RTN1: variants seen among roughly 807,000 people sequenced by gnomAD.
RTN1 encodes reticulon-1.
In RTN1, 25 loss-of-function variants were observed where a neutral mutation model predicts 65.5. The ratio of observed to expected loss-of-function variants is 0.38; its 90% CI spans 0.28 to 0.53. The LOEUF (loss-of-function observed/expected upper bound fraction) is 0.53. Ranked by LOEUF, RTN1 falls within the 20% of genes least tolerant of loss-of-function variation. The pLI is 0.79. For synonymous variants in RTN1, 471 were observed against 447.6 expected (o/e 1.05, Z -0.66); for missense variants, 983 against 1,025.4 (o/e 0.96, Z 0.57).
At chr14:59,642,137 T>C (rs1279968571) in intron 3 of RTN1, among the ~76,000 whole-genome samples, 2 of 152,208 alleles carry the variant, frequency 1.3e-5, no homozygotes, top group Admixed American at 6.5e-5. Context: ...GGCAGTTTTT[T>C]TCTTTCAGCA....
At chr14:59,607,219 C>T in intron 4 of RTN1, 66 bp downstream of exon 4, 1 of 1,426,032 alleles carries the variant, frequency 7.0e-7, no homozygotes, top group South Asian at 1.2e-5. Flanking sequence ...CATCTGTGAG[C>T]TGAAATACAG....
chr14:59,714,394 G>T (rs1409776395), intron 3 of RTN1, among the ~76,000 whole-genome samples: 1 of 152,124 alleles, frequency 6.6e-6, no homozygotes, highest in Non-Finnish European at 1.5e-5. Flanking sequence ...CATTTCAGTG[G>T]CTTAACATGG....
At chr14:59,780,759 G>A (rs1013501827) in intron 1 of RTN1, among the ~76,000 whole-genome samples, 1 of 152,196 alleles carries the variant, frequency 6.6e-6, no homozygotes, top group African/African-American at 2.4e-5. Context: ...CATTTTGGTA[G>A]TAGTGAATCC....
chr14:59,603,604 C>G (rs931648328), intron 6 of RTN1, among the ~76,000 whole-genome samples: 1 of 151,596 alleles, frequency 6.6e-6, no homozygotes, highest in South Asian at 2.1e-4. Flanking sequence ...ATATATATTA[C>G]AAGCCAGAAA....
Position 59,727,407 on chromosome 14 carries a change from G to A in RTN1, c.1277C>T (p.Ala426Val), listed in dbSNP as rs775149031. Reference sequence around the variant, plus strand: ...AAAGCTCACATAGCCTGAGGGCAGCGCGTCCTCCGCGGCCATGGGGTCCTC... The same window carrying A: ...AAAGCTCACATAGCCTGAGGGCAGCACGTCCTCCGCGGCCATGGGGTCCTC... ...VSEDPMAAED[A>V]LPSGYVSFGH... The change falls in exon 3 of 9, where the codon GCG becomes GTG. Residue 426 changes from alanine (A) to valine (V), a missense_variant. By Grantham distance (64) the Ala-to-Val change is moderately conservative. Around this residue, in one of 2 missense-constraint regions of RTN1, gnomAD observed 818 missense variants for 801.8 expected, o/e 1.02. Coordinates refer to ENST00000267484, the MANE Select transcript of RTN1 (RefSeq NM_021136.3). The surrounding 1 kb of genome is among the most constrained non-coding windows in gnomAD (Gnocchi z 4.2). 8.4e-6 allele frequency: 13 copies of A among 1,547,434 alleles called. No homozygotes were observed. Among genetic ancestry groups the A allele is most frequent in the Admixed American group, 2.0e-5 (1 of 51,062 alleles).
chr14:59,596,765 C>T lies in RTN1; in HGVS notation c.2311G>A (p.Ala771Thr), dbSNP rs770804495. The T allele has an allele frequency of 8.1e-6, 13 of 1,611,526 alleles. No homozygotes were observed. The highest frequency in any genetic ancestry group is 1.0e-5 in the Non-Finnish European group (12 of 1,177,878). ...VAKIQAKIPG[A>T]KRHAE ...TCAGTTTACTCAGCATGCCTCTTAGCGCCTGGGATTTTAGCCTGAATCCTA... is the reference window on the plus strand; with the variant it reads ...TCAGTTTACTCAGCATGCCTCTTAGTGCCTGGGATTTTAGCCTGAATCCTA... The change falls in exon 9 of 9, where the codon GCT (alanine) becomes ACT (threonine). Residue 771 changes from alanine to threonine, a missense_variant. By Grantham distance (58) the Ala-to-Thr change is moderately conservative. Transcript: ENST00000267484.
chr14:59,681,534 T>C (rs979286780), intron 3 of RTN1, among the ~76,000 whole-genome samples: 1 of 152,286 alleles, frequency 6.6e-6, no homozygotes, highest in Admixed American at 6.5e-5. Context: ...ATAATGAATC[T>C]GGGTCACTAA....
chr14:59,754,899 G>A (rs1234546005), intron 1 of RTN1, among the ~76,000 whole-genome samples: 1 of 152,058 alleles, frequency 6.6e-6, no homozygotes, highest in Non-Finnish European at 1.5e-5. Flanking sequence ...ACAGCTCCAC[G>A]AGCAGGTGGC....
chr14:59,631,708 G>C (rs555415473), intron 3 of RTN1, among the ~76,000 whole-genome samples: 4 of 152,348 alleles, frequency 2.6e-5, no homozygotes, highest in African/African-American at 9.6e-5. Context: ...AAAGAGAAAG[G>C]ACTGGAATGT....
chr14:59,806,310 A>T (rs1442330467), intron 1 of RTN1, among the ~76,000 whole-genome samples: 1 of 151,756 alleles, frequency 6.6e-6, no homozygotes, highest in African/African-American at 2.4e-5. Flanking sequence ...CCATTAAATT[A>T]TATTTCTTTT....
At chr14:59,823,761 G>T (rs1259125933) in intron 1 of RTN1, among the ~76,000 whole-genome samples, 1 of 152,084 alleles carries the variant, frequency 6.6e-6, no homozygotes, top group Non-Finnish European at 1.5e-5. Context: ...GGGGATGGTT[G>T]TCTTATATAA....
At chr14:59,799,256 T>C (rs1375667472) in intron 1 of RTN1, among the ~76,000 whole-genome samples, 2 of 152,210 alleles carry the variant, frequency 1.3e-5, no homozygotes, top group African/African-American at 2.4e-5. Context: ...AGAATGAGAA[T>C]AAACTGGCAA....
intron 1 of RTN1, among the ~76,000 whole-genome samples, chr14:59,749,310 A>ATATATC (rs1885330901): frequency 1.6e-4 from 5 of 30,646 alleles, no homozygotes; most frequent in African/African-American, 8.7e-4. Context: ...ATATATATCT[A>ATATATC]TATATATATC....
chr14:59,789,239 G>A (rs931428469), intron 1 of RTN1, among the ~76,000 whole-genome samples: 2 of 151,066 alleles, frequency 1.3e-5, no homozygotes, highest in African/African-American at 4.9e-5. Flanking sequence ...TTCTTTCTTT[G>A]GTCTAAGTAC....
intron 1 of RTN1, among the ~76,000 whole-genome samples, chr14:59,838,828 C>A (rs1887261086): frequency 1.3e-5 from 2 of 152,054 alleles, no homozygotes; most frequent in African/African-American, 4.8e-5. Flanking sequence ...CCATTAAAGG[C>A]ACACATAATT....
Position 59,726,957 on chromosome 14 carries a change from C to T in RTN1, c.1727G>A (p.Gly576Asp). ...ATKGPGPLGP[G>D]APPPLLFLNK... ...GAGAAACAGCAGTGGGGGCGGGGCG[C>T]CAGGACCTAGAGGCCCAGGGCCCTT... The change falls in exon 3 of 9, where the codon GGC becomes GAC. Residue 576 changes from glycine (G) to aspartate (D), a missense_variant. Transcript: ENST00000267484. The T allele has an allele frequency of 6.2e-7, 1 of 1,613,388 alleles. No homozygotes were observed. Among genetic ancestry groups the T allele is most frequent in the African/African-American group, 1.3e-5 (1 of 75,028 alleles).
chr14:59,816,211 G>T lies in RTN1; in HGVS notation c.241+54179C>A, dbSNP rs1005709649. Among the ~76,000 whole-genome samples the T allele has an allele frequency of 6.6e-6, 1 of 151,790 alleles. No individual in the cohort carries two copies. The highest frequency in any genetic ancestry group is 1.5e-5 in the Non-Finnish European group (1 of 67,950). On this transcript the variant is annotated intron_variant, in intron 1 of 8. Transcript: ENST00000267484. This position sits in a 1 kb window ranked among gnomAD's most constrained non-coding sequence, Gnocchi z 4.3. ...AAAGTATGCACACACACACACACAA[G>T]CTTGCGTGCGTGCACACACACAGAC...
chr14:59,655,077 C>A (rs1027523296), intron 3 of RTN1, among the ~76,000 whole-genome samples: 3 of 152,156 alleles, frequency 2.0e-5, no homozygotes, highest in African/African-American at 7.2e-5. Context: ...GGAATCCACA[C>A]AAAACGATTT....
chr14:59,719,713 G>A (rs1313220169), intron 3 of RTN1, among the ~76,000 whole-genome samples: 1 of 152,168 alleles, frequency 6.6e-6, no homozygotes, highest in East Asian at 1.9e-4. Context: ...ATGTCTATGA[G>A]GATCCCACCC....
Sources: allele counts gnomAD v4.1 joint callset (sites outside exome capture counted in the v4.1 genomes callset), GRCh38; gene constraint gnomAD v4.1.1; regional missense constraint gnomAD v4.1.1; non-coding constraint Gnocchi (gnomAD v3.1); transcripts MANE v1.5; gene names NCBI Gene and HGNC (gene_info 2026-07-23, HGNC 2026-07-21).